The following SEMA6D variants were observed in gnomAD, a reference collection of about 807,000 sequenced individuals.
SEMA6D encodes the protein semaphorin 6D.
A neutral mutation model predicts 106.6 loss-of-function variants in SEMA6D; 35 were observed. That is an observed-to-expected ratio of 0.33 (90% CI 0.25 to 0.44). The LOEUF (loss-of-function observed/expected upper bound fraction) is 0.44. SEMA6D is among the 20% of genes least tolerant of loss of function. The pLI is 1.00. For missense variants in SEMA6D, 1,185 were observed against 1,345.9 expected (o/e 0.88, Z 1.87); for synonymous variants, 499 against 487.7 (o/e 1.02, Z -0.31).
At chr15:47,581,595 G>T (rs888319581) in intron 3 of SEMA6D, among the ~76,000 whole-genome samples, 3 of 152,172 alleles carry the variant, frequency 2.0e-5, no homozygotes, top group African/African-American at 7.2e-5. Context: ...GGTGGGATTT[G>T]TGGGGGTAAG....
At chr15:47,759,352 G>T (rs3809486) in intron 1 of SEMA6D, among the ~76,000 whole-genome samples, 30,717 of 152,026 alleles carry the variant, frequency 0.2, 3,754 homozygotes, top group South Asian at 0.32. Context: ...GCAGAGACAA[G>T]CTGTATTAGA....
At chr15:47,390,232 C>T (rs539073372) in intron 1 of SEMA6D, among the ~76,000 whole-genome samples, 9 of 152,218 alleles carry the variant, frequency 5.9e-5, no homozygotes, top group African/African-American at 2.2e-4. Flanking sequence ...TACCAGTGGA[C>T]AATCTAGTAT....
chr15:47,758,202 C>T (rs2081866450), intron 1 of SEMA6D, among the ~76,000 whole-genome samples: 1 of 152,168 alleles, frequency 6.6e-6, no homozygotes, highest in South Asian at 2.1e-4. Flanking sequence ...CTAAAACTCA[C>T]ATATACTTGA....
intron 1 of SEMA6D, among the ~76,000 whole-genome samples, chr15:47,738,813 C>T (rs968822343): frequency 6.6e-6 from 1 of 152,226 alleles, no homozygotes; most frequent in African/African-American, 2.4e-5. Context: ...AGACTCATCA[C>T]TACTCTATGT....
At chr15:47,415,861 A>G (rs543387087) in intron 2 of SEMA6D, among the ~76,000 whole-genome samples, 2 of 152,330 alleles carry the variant, frequency 1.3e-5, no homozygotes, top group Admixed American at 6.5e-5. Context: ...TGTAACTTAA[A>G]TAATACACAG....
chr15:47,757,744 A>G (rs539506355), intron 1 of SEMA6D, among the ~76,000 whole-genome samples: 2 of 152,200 alleles, frequency 1.3e-5, no homozygotes, highest in East Asian at 1.9e-4. Context: ...ATAACTGGCC[A>G]AATAACCTTA....
At chr15:47,331,221 G>C (rs2037328730) in intron 1 of SEMA6D, among the ~76,000 whole-genome samples, 1 of 152,098 alleles carries the variant, frequency 6.6e-6, no homozygotes, top group South Asian at 2.1e-4. Flanking sequence ...ATATTATTTG[G>C]TTAAATTTTC....
At chr15:47,721,664 G>A (rs1419220985) in intron 1 of SEMA6D, among the ~76,000 whole-genome samples, 2 of 152,150 alleles carry the variant, frequency 1.3e-5, no homozygotes, top group Non-Finnish European at 2.9e-5. Context: ...TCTCCCAACA[G>A]GAAAACTACT....
intron 1 of SEMA6D, among the ~76,000 whole-genome samples, chr15:47,269,884 C>T (rs1220243448): frequency 6.6e-6 from 1 of 151,768 alleles, no homozygotes; most frequent in Admixed American, 6.6e-5. Flanking sequence ...CTCATATATA[C>T]ATTTTAATGT....
chr15:47,407,684 G>T (rs939541832), intron 1 of SEMA6D, among the ~76,000 whole-genome samples: 5 of 152,170 alleles, frequency 3.3e-5, no homozygotes, highest in Non-Finnish European at 7.3e-5. Flanking sequence ...TTGGAAAGGA[G>T]GATTGGGAGG....
rs1555411185 is a variant in SEMA6D at position 47,254,875 on chromosome 15, T to TTTTTTGTG, written c.-239+70458_-239+70459insTTTTGTGT. Among the ~76,000 whole-genome samples, 845 of 134,398 alleles carry TTTTTTGTG rather than the reference T, an allele frequency of 6.3e-3. 14 individuals are homozygous for TTTTTTGTG. The highest frequency in any genetic ancestry group is 0.023 in the African/African-American group (802 of 35,588). The allele number at this position is 134,398 out of a possible 152,430, so 88.2% of individuals were successfully genotyped here. On this transcript the variant is annotated intron_variant, in intron 1 of 19. Coordinates refer to the SEMA6D transcript ENST00000558014. ...TCATCAGGGATATTGACCTGTGGTT[T>TTTTTTGTG]TGTGTGTGTGTGTGTGTGTGTGTGT...
intron 1 of SEMA6D, among the ~76,000 whole-genome samples, chr15:47,377,747 T>C (rs961487518): frequency 6.6e-6 from 1 of 152,144 alleles, no homozygotes; most frequent in Non-Finnish European, 1.5e-5. Flanking sequence ...TGTAATCTTA[T>C]AGGTGGCCTC....
rs1210205014 is a variant in SEMA6D at position 47,770,983 on chromosome 15, A to G, written c.2420A>G (p.Gln807Arg). Residue 807 changes from glutamine to arginine, a missense_variant, in exon 19 of 19, where the codon CAG (glutamine) becomes CGG (arginine). Coordinates refer to ENST00000536845, the MANE Select transcript of SEMA6D (RefSeq NM_001358351.3). ...GHGASRKETP[Q>R]FFPSSPPPHS... ...GGAGCTTCAAGGAAAGAAACCCCTCAGTTTTTTCCGTCTAGTCCGCCACCT... is the reference window on the plus strand; with the variant it reads ...GGAGCTTCAAGGAAAGAAACCCCTCGGTTTTTTCCGTCTAGTCCGCCACCT... The G allele has an allele frequency of 2.5e-6, 4 of 1,613,934 alleles. 1 individual carries two copies. The highest frequency in any genetic ancestry group is 3.4e-6 in the Non-Finnish European group (4 of 1,179,984).
chr15:47,520,506 A>G (rs2044539583), intron 3 of SEMA6D, among the ~76,000 whole-genome samples: 1 of 152,248 alleles, frequency 6.6e-6, no homozygotes, highest in African/African-American at 2.4e-5. Context: ...CAGTAATGTC[A>G]TTGAGCTACC....
At chr15:47,185,048 G>C (rs1483814310) in intron 1 of SEMA6D, among the ~76,000 whole-genome samples, 1 of 152,086 alleles carries the variant, frequency 6.6e-6, no homozygotes, top group Non-Finnish European at 1.5e-5. Context: ...AGCGTCCCGC[G>C]CTAGCGGGCT....
rs147664523 is a variant in SEMA6D, at chr15:47,710,014, T to G, written c.-54-49731T>G. 1.5e-3 allele frequency among the ~76,000 whole-genome samples: 224 copies of G among 151,952 alleles called. 1 individual carries two copies. The highest frequency in any genetic ancestry group is 5.3e-3 in the African/African-American group (218 of 41,422). ...GCACAATAAATAAACATGAGGCAAA[T>G]AAGTTCCTCTACTGCCCCCTTTTAC... On this transcript the variant is annotated intron_variant, in intron 4 of 19. Coordinates refer to the SEMA6D transcript ENST00000558014.
chr15:47,595,389 T>G (rs2076514436), intron 3 of SEMA6D, among the ~76,000 whole-genome samples: 1 of 152,200 alleles, frequency 6.6e-6, no homozygotes, highest in African/African-American at 2.4e-5. Context: ...TAGATTCACA[T>G]ATGTTGAACC....
chr15:47,718,619 C>T (rs2079231402), intron 1 of SEMA6D: 1 of 152,398 alleles, frequency 6.6e-6, no homozygotes, highest in Admixed American at 6.5e-5. Flanking sequence ...GCCGCTCTAC[C>T]CAGCAACTTT....
chr15:47,749,112 A>G (rs1567070359), intron 1 of SEMA6D, among the ~76,000 whole-genome samples: 1 of 126,406 alleles, frequency 7.9e-6, no homozygotes, highest in Non-Finnish European at 1.6e-5. Flanking sequence ...ATACAGTTTC[A>G]TTCTTGTCAC....
Sources: allele counts gnomAD v4.1 joint callset (sites outside exome capture counted in the v4.1 genomes callset), GRCh38; gene constraint gnomAD v4.1.1; transcripts MANE v1.5; gene names NCBI Gene and HGNC (gene_info 2026-07-23, HGNC 2026-07-21).